Variants in CIBAR2 observed in about 807,000 individuals in gnomAD.
CIBAR2 encodes CBY1-interacting BAR domain-containing protein 2.
Under a neutral mutation model 36.2 loss-of-function variants are expected in CIBAR2, and 38 were observed. The observed-to-expected ratio is 1.05, with a 90% CI of 0.81 to 1.38. The LOEUF is 1.38. CIBAR2 is among the 40% of genes most tolerant of loss of function. CIBAR2 has a pLI of 0.00. For missense variants in CIBAR2, 481 were observed against 383.4 expected, an observed-to-expected ratio of 1.25 and a Z score of -2.13; for synonymous variants, 182 against 149.5, an observed-to-expected ratio of 1.22 and a Z score of -1.58.
intron 5 of CIBAR2, among the ~76,000 whole-genome samples, chr16:85,105,972 G>T (rs1025497171): frequency 6.6e-6 from 1 of 152,202 alleles, no homozygotes; most frequent in Non-Finnish European, 1.5e-5. Flanking sequence ...GTGACCTTGG[G>T]TAAGTCACCT....
chr16:85,112,249 G>A, intron 1 of CIBAR2, 84 bp downstream of exon 1: 1 of 1,268,678 alleles, frequency 7.9e-7, no homozygotes, highest in East Asian at 2.3e-5. Flanking sequence ...AGCAGGCCCT[G>A]CTGCCCTCAT....
chr16:85,106,268 G>A (rs956484484), intron 5 of CIBAR2, among the ~76,000 whole-genome samples: 5 of 152,062 alleles, frequency 3.3e-5, no homozygotes, highest in South Asian at 2.1e-4. Context: ...GAGGTTTAGC[G>A]GCATCCAGCA....
chr16:85,107,757 G>T (rs369190569), intron 4 of CIBAR2, 85 bp from the exon 5 acceptor site: 32 of 1,588,488 alleles, frequency 2.0e-5, no homozygotes, highest in Non-Finnish European at 2.6e-5. Flanking sequence ...CCTGCCCAGC[G>T]GGCCCAGGCA....
intron 6 of CIBAR2, among the ~76,000 whole-genome samples, chr16:85,104,324 G>T (rs1461881520): frequency 6.6e-6 from 1 of 152,252 alleles, no homozygotes; most frequent in Non-Finnish European, 1.5e-5. Flanking sequence ...GGCTTCAGGA[G>T]CCTGGAAGGG....
intron 4 of CIBAR2, 59 bp from the exon 5 acceptor site, chr16:85,107,731 C>T (rs1479832421): frequency 1.4e-5 from 22 of 1,608,402 alleles, no homozygotes; most frequent in East Asian, 2.2e-5. Context: ...TGGGGTGGTC[C>T]GCCCCCTTCA....
At chr16:85,106,877 TG>T (rs1159027211) in intron 5 of CIBAR2, among the ~76,000 whole-genome samples, 1 of 152,116 alleles carries the variant, frequency 6.6e-6, no homozygotes, top group African/African-American at 2.4e-5. Flanking sequence ...GCACTCTTTG[TG>T]GCTGGGCCTG....
chr16:85,109,199 C>T (rs1238609585), intron 2 of CIBAR2, among the ~76,000 whole-genome samples: 1 of 151,590 alleles, frequency 6.6e-6, no homozygotes, highest in Non-Finnish European at 1.5e-5. Context: ...CAGCTTGACC[C>T]CAGGAGTTCA....
intron 8 of CIBAR2, among the ~76,000 whole-genome samples, chr16:85,099,671 T>G (rs1271153721): frequency 6.6e-6 from 1 of 151,252 alleles, no homozygotes; most frequent in Non-Finnish European, 1.5e-5. Context: ...TAACCCGGGC[T>G]GGAGTGCAAT....
At chr16:85,104,436 G>A (rs1197110839) in intron 6 of CIBAR2, among the ~76,000 whole-genome samples, 2 of 152,096 alleles carry the variant, frequency 1.3e-5, no homozygotes, top group African/African-American at 2.4e-5. Context: ...GGGTAGGCGC[G>A]GTGGGTCACA....
At chr16:85,100,344 T>C in intron 7 of CIBAR2, 104 bp from the exon 8 acceptor site, 2 of 677,592 alleles carry the variant, frequency 3.0e-6, no homozygotes, top group Non-Finnish European at 5.3e-6. Context: ...CCGAGACAGC[T>C]AATGCTCATG....
chr16:85,109,694 T>C (rs1252216588), intron 2 of CIBAR2, among the ~76,000 whole-genome samples: 1 of 152,188 alleles, frequency 6.6e-6, no homozygotes, highest in East Asian at 1.9e-4. Flanking sequence ...AGATGGAGTC[T>C]TGCTATGTTT....
At chr16:85,110,550 G>T (rs1567563053) in intron 1 of CIBAR2, 90 bp from the exon 2 acceptor site, 1 of 970,898 alleles carries the variant, frequency 1.0e-6, no homozygotes. Context: ...GAAAACAGGA[G>T]CTGCCACCAG....
intron 6 of CIBAR2, among the ~76,000 whole-genome samples, chr16:85,102,904 G>A (rs1421248816): frequency 7.5e-6 from 1 of 132,824 alleles, no homozygotes; most frequent in Non-Finnish European, 1.5e-5. Flanking sequence ...CTTCACAGGA[G>A]GCTTTTTTTT....
intron 7 of CIBAR2, among the ~76,000 whole-genome samples, chr16:85,100,838 G>A (rs1369798921): frequency 6.6e-6 from 1 of 152,194 alleles, no homozygotes; most frequent in Admixed American, 6.5e-5. Flanking sequence ...ATGAGGTCAG[G>A]AGATCAAGAC....
intron 6 of CIBAR2, among the ~76,000 whole-genome samples, chr16:85,103,955 C>T (rs1220274724): frequency 1.3e-5 from 2 of 152,236 alleles, no homozygotes; most frequent in Admixed American, 1.3e-4. Flanking sequence ...GTGTCAACTC[C>T]GTGAGCTCAG....
rs1201165671 is a variant in CIBAR2, at chr16:85,098,488, C to T, written c.*697G>A. 2 of 984,012 alleles carry T rather than the reference C, an allele frequency of 2.0e-6. No homozygotes were observed. Among genetic ancestry groups the T allele is most frequent in the East Asian group, 1.1e-4 (1 of 8,812 alleles). The allele number at this position is 984,012 out of a possible 1,614,324, so 61.0% of individuals were successfully genotyped here. A position where few individuals can be genotyped will look rare whatever the true frequency, so the allele number is the denominator to read the frequency against. The stretch of plus-strand genomic sequence containing the variant: ...AAACTGAGGCTCAGAGGACACGTGG[C>T]TTGCCTGAGGGCACACAGCAGAGCC... On this transcript the variant is annotated 3_prime_UTR_variant, in exon 9 of 9. Transcript: ENST00000539556.
chr16:85,101,257 C>G (rs1416511349), intron 7 of CIBAR2, among the ~76,000 whole-genome samples: 6 of 152,130 alleles, frequency 3.9e-5, no homozygotes, highest in Admixed American at 3.3e-4. Context: ...ATGCTGCTGT[C>G]GTGGAGATCT....
At chr16:85,107,600 C>T (rs764963881) in intron 5 of CIBAR2, 67 bp downstream of exon 5, 43 of 1,564,728 alleles carry the variant, frequency 2.7e-5, no homozygotes, top group Admixed American at 6.7e-5. Context: ...TCTACCTGGC[C>T]GTTTTGTGAG....
Position 85,110,409 on chromosome 16 carries a change from G to C in CIBAR2, c.72C>G (p.Tyr24Ter), listed in dbSNP as rs1373294226. 6.2e-7 allele frequency: 1 copy of C among 1,612,602 alleles called. No homozygotes were observed. Residue 24 changes from tyrosine to a stop codon, truncating the protein, a stop_gained, in exon 2 of 9, where the codon TAC (tyrosine) becomes TAG (stop). Coordinates refer to ENST00000539556, the MANE Select transcript of CIBAR2 (RefSeq NM_198491.3). LOFTEE classifies it high-confidence loss of function. Reference sequence around the variant, plus strand: ...CCAGCAGCGAGCAGAACTGCCCAAAGTACTTCTCGGTGTTGGCCACGGTAT... The same window carrying C: ...CCAGCAGCGAGCAGAACTGCCCAAACTACTTCTCGGTGTTGGCCACGGTAT... Reference protein sequence around the residue: ...MENTVANTEKYFGQFCSLLAA... With the variant: ...MENTVANTEK
Sources: gnomAD v4.1 joint callset for allele counts (sites outside exome capture counted in the v4.1 genomes callset) on GRCh38, gnomAD v4.1.1 for gene constraint, MANE v1.5 for transcripts, NCBI Gene and HGNC (gene_info 2026-07-23, HGNC 2026-07-21) for gene names.